The following PAK3 variants were observed in gnomAD, a reference collection of about 807,000 sequenced individuals.
PAK3 encodes the protein p21 (RAC1) activated kinase 3.
Under a neutral mutation model 41.0 loss-of-function variants are expected in PAK3, and 4 were observed. The observed-to-expected ratio is 0.10, with a 90% CI of 0.05 to 0.22. The LOEUF (loss-of-function observed/expected upper bound fraction) is 0.22, where lower values mean the gene tolerates loss of function less well. Among genes scored for constraint, PAK3 ranks in the 10% least tolerant of loss-of-function variants. The pLI is 1.00. For synonymous variants in PAK3, 146 were observed against 139.6 expected (o/e 1.05, Z -0.32); for missense variants, 205 against 409.9 (o/e 0.50, Z 4.32).
intron 1 of PAK3, among the ~76,000 whole-genome samples, chrX:110,951,016 T>A (rs2148591690): frequency 8.9e-6 from 1 of 112,267 alleles, no homozygotes; most frequent in Non-Finnish European, 1.9e-5. Flanking sequence ...AAAATCTCCT[T>A]TCTCTTTGCA....
rs140964519 is a variant in PAK3, at chrX:111,082,208, C to T, written c.-27-40869C>T. Among the ~76,000 whole-genome samples, 889 of 111,672 alleles carry T rather than the reference C, an allele frequency of 8.0e-3. 3 individuals are homozygous for T. Among genetic ancestry groups the T allele is most frequent in the Non-Finnish European group, 0.013 (683 of 53,142 alleles). On this transcript the variant is annotated intron_variant, in intron 1 of 14. Coordinates refer to the PAK3 transcript ENST00000425146. ...CGAATTTGTTGGCAGTTGACATTCA[C>T]GAAGAGAGTGAGAGTGGAAGAACAA... is the stretch of plus-strand genomic sequence containing the variant.
chrX:111,058,089 CA>C (rs918117630), intron 1 of PAK3, among the ~76,000 whole-genome samples: 1 of 112,067 alleles, frequency 8.9e-6, no homozygotes, highest in African/African-American at 3.2e-5. Flanking sequence ...ATTTGATGGA[CA>C]TTTGGGTTGT....
chrX:111,039,585 G>C (rs2092433095), intron 1 of PAK3, among the ~76,000 whole-genome samples: 1 of 111,764 alleles, frequency 8.9e-6, no homozygotes, highest in Admixed American at 9.6e-5. Context: ...GATAGAAAGA[G>C]TGCTGGAGTT....
At chrX:111,118,534 T>C (rs1364970105) in intron 4 of PAK3, among the ~76,000 whole-genome samples, 2 of 110,558 alleles carry the variant, frequency 1.8e-5, no homozygotes, top group Non-Finnish European at 3.8e-5. Context: ...CAGTCCTGTG[T>C]TTGATCCTCT....
At chrX:111,060,800 C>T (rs915783769) in intron 1 of PAK3, among the ~76,000 whole-genome samples, 1 of 111,749 alleles carries the variant, frequency 8.9e-6, no homozygotes, top group Non-Finnish European at 1.9e-5. Flanking sequence ...TGTCATTTAA[C>T]ATGTTCTTTG....
intron 17 of PAK3, among the ~76,000 whole-genome samples, chrX:111,218,575 G>A (rs1227109452): frequency 9.0e-6 from 1 of 111,384 alleles, no homozygotes; most frequent in African/African-American, 3.3e-5. Flanking sequence ...GAAGTGTTAG[G>A]GTATAACCAA....
chrX:111,003,277 T>G (rs181344073), intron 1 of PAK3, among the ~76,000 whole-genome samples: 12 of 111,643 alleles, frequency 1.1e-4, no homozygotes, highest in African/African-American at 3.6e-4. Flanking sequence ...AGCCAGTTTT[T>G]GTTGATCTTC....
chrX:111,030,507 A>G (rs900078491), intron 1 of PAK3, among the ~76,000 whole-genome samples: 26 of 112,152 alleles, frequency 2.3e-4, no homozygotes, highest in Non-Finnish European at 4.5e-4. Context: ...TGGCTTTAAG[A>G]TTCCAAGAAG....
intron 4 of PAK3, among the ~76,000 whole-genome samples, chrX:111,113,469 G>T (rs1234877736): frequency 3.6e-5 from 4 of 111,448 alleles, no homozygotes; most frequent in African/African-American, 6.5e-5. Flanking sequence ...TTCCTTGTGT[G>T]TGGTAGTATG....
chrX:111,144,857 C>A, intron 6 of PAK3: 1 of 1,122,176 alleles, frequency 8.9e-7, no homozygotes. Context: ...CCAAATACTT[C>A]AGAACTCCCC....
chrX:111,076,847 A>T (rs2092789904), intron 1 of PAK3, among the ~76,000 whole-genome samples: 1 of 111,992 alleles, frequency 8.9e-6, no homozygotes, highest in African/African-American at 3.2e-5. Flanking sequence ...AGAAAGAAAT[A>T]AAAGGCATCC....
chrX:111,072,771 T>A (rs1467912164), intron 1 of PAK3, among the ~76,000 whole-genome samples: 1 of 112,250 alleles, frequency 8.9e-6, no homozygotes, highest in Admixed American at 9.4e-5. Context: ...CCAAGGACAG[T>A]AACCAAGTTT....
intron 1 of PAK3, among the ~76,000 whole-genome samples, chrX:111,031,295 A>G (rs994837993): frequency 9.0e-6 from 1 of 111,498 alleles, no homozygotes; most frequent in South Asian, 3.8e-4. Flanking sequence ...AGAGGGTCAG[A>G]GAAGGCTTTG....
intron 1 of PAK3, among the ~76,000 whole-genome samples, chrX:111,020,903 T>C (rs772233183): frequency 6.3e-5 from 7 of 110,860 alleles, no homozygotes; most frequent in Admixed American, 4.8e-4. Flanking sequence ...ACTTCCCTGG[T>C]GACCTGTGTG....
chrX:111,019,299 G>A (rs151072260), intron 1 of PAK3, among the ~76,000 whole-genome samples: 110 of 110,617 alleles, frequency 9.9e-4, no homozygotes, highest in Admixed American at 2.9e-3. Context: ...GAGTGAAAAG[G>A]CATCCTACAG....
intron 1 of PAK3, among the ~76,000 whole-genome samples, chrX:111,006,023 G>A (rs1380389466): frequency 9.0e-6 from 1 of 111,156 alleles, no homozygotes; most frequent in Non-Finnish European, 1.9e-5. Flanking sequence ...ATAGACAGGG[G>A]TCACAGAAAA....
intron 11 of PAK3, among the ~76,000 whole-genome samples, chrX:111,185,391 T>C (rs778045509): frequency 8.9e-6 from 1 of 111,786 alleles, no homozygotes; most frequent in African/African-American, 3.3e-5. Context: ...CAGAAGCTCT[T>C]TAGTTTAATT....
chrX:111,212,821 A>C (rs2094836063), intron 16 of PAK3, among the ~76,000 whole-genome samples: 1 of 111,671 alleles, frequency 9.0e-6, no homozygotes, highest in South Asian at 3.7e-4. Flanking sequence ...AACTGTGTCC[A>C]TTGTAGAAAA....
intron 11 of PAK3, 40 bp downstream of exon 11, chrX:111,173,121 A>G: frequency 1.6e-6 from 1 of 636,835 alleles, no homozygotes; most frequent in Non-Finnish European, 2.6e-6. Flanking sequence ...GATGAGTACA[A>G]GCAACATACA....
Sources: gnomAD v4.1 joint callset for allele counts (sites outside exome capture counted in the v4.1 genomes callset) on GRCh38, gnomAD v4.1.1 for gene constraint, MANE v1.5 for transcripts, NCBI Gene and HGNC (gene_info 2026-07-23, HGNC 2026-07-21) for gene names.